The following SAMD12 variants were observed in gnomAD, a reference collection of about 807,000 sequenced individuals.
The protein encoded by SAMD12 is sterile alpha motif domain-containing protein 12.
SAMD12 carries 9 observed loss-of-function variants against 15.0 expected under a neutral mutation model. The ratio of observed to expected loss-of-function variants is 0.60; its 90% confidence interval spans 0.36 to 1.05. The LOEUF (loss-of-function observed/expected upper bound fraction) is 1.05. Ranked by LOEUF, SAMD12 falls within the 50% of genes least tolerant of loss-of-function variation. The pLI is 0.01. For synonymous variants in SAMD12, 86 were observed against 90.1 expected (o/e 0.96, Z 0.25); for missense variants, 230 against 234.2 (o/e 0.98, Z 0.12).
rs536829139 is a variant in SAMD12, at chr8:118,417,880, T to A, written c.322+21952A>T. 8.7e-4 allele frequency among the ~76,000 whole-genome samples: 132 copies of A among 152,336 alleles called. 1 individual carries two copies. In the South Asian group the frequency reaches 0.027, roughly 31 times the overall value. ...CATTTCCTAAATGCCCAATTTAGAA[T>A]CTTAGTGTTAAAACATACTTGAGAG... is the stretch of plus-strand genomic sequence containing the variant. On this transcript the variant is annotated intron_variant, in intron 3 of 3. Coordinates refer to ENST00000314727, the MANE Select transcript of SAMD12 (RefSeq NM_207506.3).
chr8:118,455,957 C>T (rs1823237684), intron 2 of SAMD12, among the ~76,000 whole-genome samples: 1 of 152,330 alleles, frequency 6.6e-6, no homozygotes, highest in Middle Eastern at 3.4e-3. Flanking sequence ...CTGGCAATAA[C>T]CTCCTATTTT....
At chr8:118,199,706 A>G (rs967789297) in intron 4 of SAMD12, among the ~76,000 whole-genome samples, 5 of 152,184 alleles carry the variant, frequency 3.3e-5, no homozygotes, top group Admixed American at 6.5e-5. Context: ...AGGATATTAA[A>G]AAAGCACTTA....
intron 2 of SAMD12, among the ~76,000 whole-genome samples, chr8:118,576,825 A>T (rs1827163518): frequency 6.6e-6 from 1 of 152,138 alleles, no homozygotes; most frequent in African/African-American, 2.4e-5. Flanking sequence ...TATCAAAGAG[A>T]CTCATCCTCA....
intron 4 of SAMD12, among the ~76,000 whole-genome samples, chr8:118,211,749 G>T (rs900036189): frequency 1.3e-5 from 2 of 151,930 alleles, no homozygotes; most frequent in African/African-American, 4.8e-5. Context: ...CAGTGGCCCA[G>T]CCCCATGAAA....
intron 4 of SAMD12, among the ~76,000 whole-genome samples, chr8:118,316,369 C>CAAAAAAAAAAAAAAAAAAA (rs71307444): frequency 2.6e-5 from 3 of 114,148 alleles, no homozygotes; most frequent in African/African-American, 1.1e-4. Flanking sequence ...CCCATGTCTA[C>CAAAAAAAAAAAAAAAAAAA]AAAAAAAAAA....
intron 2 of SAMD12, among the ~76,000 whole-genome samples, chr8:118,489,838 G>A (rs1007450685): frequency 1.2e-4 from 18 of 152,222 alleles, no homozygotes; most frequent in African/African-American, 3.9e-4. Flanking sequence ...GAAGTAGCAT[G>A]ATTTAATTGT....
chr8:118,529,156 C>T (rs1318271365), intron 2 of SAMD12, among the ~76,000 whole-genome samples: 3 of 152,188 alleles, frequency 2.0e-5, no homozygotes, highest in Non-Finnish European at 4.4e-5. Flanking sequence ...AAACCAGGAA[C>T]TTACACTATA....
intron 2 of SAMD12, among the ~76,000 whole-genome samples, chr8:118,553,186 A>T (rs573461193): frequency 3.3e-5 from 5 of 152,288 alleles, no homozygotes; most frequent in African/African-American, 1.2e-4. Flanking sequence ...AACTACTTTA[A>T]AGTTCATATG....
At chr8:118,237,341 A>G (rs1245774785) in intron 4 of SAMD12, among the ~76,000 whole-genome samples, 1 of 152,222 alleles carries the variant, frequency 6.6e-6, no homozygotes, top group African/African-American at 2.4e-5. Flanking sequence ...CATATTTATC[A>G]GCCCTCTATG....
Position 118,592,926 on chromosome 8 carries a change from T to C in SAMD12, c.14-12033A>G, listed in dbSNP as rs146841301. 8.5e-5 allele frequency among the ~76,000 whole-genome samples: 13 copies of C among 152,264 alleles called. No homozygotes were observed. The East Asian group carries it at 1.9e-3, about 23-fold the overall frequency. ...AAGTATCTATCAAACCACAGAAATA[T>C]GTAAAAGCCATGAGAGGTTCTGGTT... On this transcript the variant is annotated intron_variant, in intron 1 of 3. Transcript: ENST00000314727.
At chr8:118,164,831 A>G in the SAMD12 span, among the ~76,000 whole-genome samples, 1 of 152,030 alleles carries the variant, frequency 6.6e-6, no homozygotes, top group Non-Finnish European at 1.5e-5. Context: ...ATATACACAC[A>G]TATATACATA....
At chr8:118,436,589 C>T (rs1235007437) in intron 3 of SAMD12, among the ~76,000 whole-genome samples, 1 of 152,078 alleles carries the variant, frequency 6.6e-6, no homozygotes, top group African/African-American at 2.4e-5. Flanking sequence ...GAGATCCTTG[C>T]TTTAAGAAAA....
Position 118,359,003 on chromosome 8 carries a change from C to CTGTGTGTGTGTG in SAMD12, c.433+20545_433+20556dup, listed in dbSNP as rs35454734. 1.4e-3 allele frequency among the ~76,000 whole-genome samples: 215 copies of CTGTGTGTGTGTG among 149,352 alleles called. 2 individuals are homozygous for CTGTGTGTGTGTG. Among genetic ancestry groups the CTGTGTGTGTGTG allele is most frequent in the African/African-American group, 5.0e-3 (202 of 40,738 alleles). ...CATTGATACAGGGTATGGCATTAAA[C>CTGTGTGTGTGTG]TGTGTGTGTGTGTGTGTGTGTGTAT... On this transcript the variant is annotated intron_variant, in intron 4 of 4. Transcript: ENST00000409003.
At chr8:118,149,958 A>G in the SAMD12 span, among the ~76,000 whole-genome samples, 1 of 152,216 alleles carries the variant, frequency 6.6e-6, no homozygotes. Context: ...CCAATACCAC[A>G]TTGTCTTGAA....
chr8:118,217,858 T>G (rs1184264611), intron 4 of SAMD12, among the ~76,000 whole-genome samples: 1 of 152,178 alleles, frequency 6.6e-6, no homozygotes, highest in African/African-American at 2.4e-5. Flanking sequence ...CTTAGTGCCT[T>G]ATTGACTCTG....
intron 2 of SAMD12, among the ~76,000 whole-genome samples, chr8:118,486,684 G>A (rs574040337): frequency 6.6e-6 from 1 of 151,876 alleles, no homozygotes; most frequent in East Asian, 2.0e-4. Flanking sequence ...AATCAGTGTT[G>A]GTTTAAGCAA....
At chr8:118,241,609 G>A (rs1259250491) in intron 4 of SAMD12, among the ~76,000 whole-genome samples, 1 of 152,118 alleles carries the variant, frequency 6.6e-6, no homozygotes, top group Non-Finnish European at 1.5e-5. Flanking sequence ...TAGGGGACAA[G>A]GGATTTGCCT....
At chr8:118,596,924 G>T (rs1827738110) in intron 1 of SAMD12, among the ~76,000 whole-genome samples, 1 of 152,200 alleles carries the variant, frequency 6.6e-6, no homozygotes, top group South Asian at 2.1e-4. Flanking sequence ...GGTGAGGAGA[G>T]TGTTTGGGAG....
At chr8:118,146,216 T>C in the SAMD12 span, among the ~76,000 whole-genome samples, 1,183 of 152,222 alleles carry the variant, frequency 7.8e-3, 21 homozygotes, top group African/African-American at 0.027. Context: ...GCAGAGAGTG[T>C]TCAAGGCAGG....
Sources: allele counts gnomAD v4.1 joint callset (sites outside exome capture counted in the v4.1 genomes callset), GRCh38; gene constraint gnomAD v4.1.1; transcripts MANE v1.5; gene names NCBI Gene and HGNC (gene_info 2026-07-23, HGNC 2026-07-21).